The following RAD51B variants were observed in gnomAD, a reference collection of about 807,000 sequenced individuals.
The protein encoded by RAD51B is DNA repair protein RAD51 homolog 2.
In RAD51B, 38 loss-of-function variants were observed where a neutral mutation model predicts 42.2. The observed-to-expected ratio is 0.90, with a 90% CI of 0.70 to 1.18. RAD51B has a LOEUF of 1.18. RAD51B is among the 50% of genes most tolerant of loss of function. The pLI, the probability that RAD51B is intolerant of heterozygous loss-of-function variation, is 0.00. For synonymous variants in RAD51B, 154 were observed against 145.2 expected, an observed-to-expected ratio of 1.06 and a Z score of -0.43; for missense variants, 373 against 400.7, an observed-to-expected ratio of 0.93 and a Z score of 0.59.
At chr14:68,250,087 C>T (rs1221725962) in intron 7 of RAD51B, among the ~76,000 whole-genome samples, 1 of 152,192 alleles carries the variant, frequency 6.6e-6, no homozygotes, top group African/African-American at 2.4e-5. Flanking sequence ...AAATGTGTTG[C>T]ACAAAGTAAC....
chr14:68,526,835 G>A (rs1477467682), intron 10 of RAD51B, among the ~76,000 whole-genome samples: 2 of 152,184 alleles, frequency 1.3e-5, no homozygotes, highest in African/African-American at 4.8e-5. Context: ...AAAGGAGAGA[G>A]GAGAAAACTA....
At chr14:68,084,417 T>C (rs2076955624) in intron 7 of RAD51B, among the ~76,000 whole-genome samples, 2 of 152,184 alleles carry the variant, frequency 1.3e-5, no homozygotes, top group African/African-American at 4.8e-5. Context: ...GTTCTGTACA[T>C]TGTAGGATAT....
intron 7 of RAD51B, among the ~76,000 whole-genome samples, chr14:67,971,166 G>C (rs1466554410): frequency 1.3e-5 from 2 of 152,040 alleles, no homozygotes; most frequent in African/African-American, 2.4e-5. Flanking sequence ...TTCAGACCAG[G>C]CTCAGCTGAA....
chr14:67,944,551 T>C (rs1218820786), intron 7 of RAD51B, among the ~76,000 whole-genome samples: 1 of 152,154 alleles, frequency 6.6e-6, no homozygotes, highest in Non-Finnish European at 1.5e-5. Context: ...AAAATACAGG[T>C]TTACATTAAA....
At chr14:68,467,593 C>A (rs1566900879) in intron 9 of RAD51B, among the ~76,000 whole-genome samples, 1 of 152,238 alleles carries the variant, frequency 6.6e-6, no homozygotes, top group Non-Finnish European at 1.5e-5. Context: ...CTGGCACAAC[C>A]TATGTCATGC....
chr14:68,274,482 C>T (rs1429019122), intron 7 of RAD51B, among the ~76,000 whole-genome samples: 1 of 152,160 alleles, frequency 6.6e-6, no homozygotes, highest in Non-Finnish European at 1.5e-5. Context: ...TCATTAATAT[C>T]ATCCAATACC....
At chr14:67,902,486 C>T (rs1170746995) in intron 7 of RAD51B, among the ~76,000 whole-genome samples, 5 of 152,066 alleles carry the variant, frequency 3.3e-5, no homozygotes, top group African/African-American at 1.2e-4. Flanking sequence ...TCAATTTGTT[C>T]AGCTAAAATA....
At chr14:68,497,351 G>T in intron 10 of RAD51B, 7 of 1,230,764 alleles carry the variant, frequency 5.7e-6, no homozygotes, top group Non-Finnish European at 7.2e-6. Flanking sequence ...ACAGTAATCT[G>T]CATCATAAGC....
chr14:68,435,827 T>G (rs1456466735), intron 9 of RAD51B, among the ~76,000 whole-genome samples: 1 of 152,240 alleles, frequency 6.6e-6, no homozygotes, highest in Non-Finnish European at 1.5e-5. Flanking sequence ...TATCTTCTTT[T>G]GGGAACTGTC....
At chr14:68,426,386 A>G (rs1300951669) in intron 9 of RAD51B, among the ~76,000 whole-genome samples, 2 of 152,170 alleles carry the variant, frequency 1.3e-5, no homozygotes, top group South Asian at 2.1e-4. Context: ...AGTAAAGGCC[A>G]TTCTGATGAG....
At chr14:68,041,187 G>A (rs116415452) in intron 7 of RAD51B, among the ~76,000 whole-genome samples, 3,793 of 152,228 alleles carry the variant, frequency 0.025, 104 homozygotes, top group African/African-American at 0.066. Flanking sequence ...GTGAAGATGT[G>A]CAGGCATCCC....
intron 7 of RAD51B, among the ~76,000 whole-genome samples, chr14:68,216,370 G>A (rs2079815056): frequency 1.3e-5 from 2 of 152,206 alleles, no homozygotes; most frequent in African/African-American, 4.8e-5. Context: ...TGCTGTGCTT[G>A]TGTTTGCTTC....
At chr14:67,909,466 C>T (rs1241754727) in intron 7 of RAD51B, among the ~76,000 whole-genome samples, 2 of 152,236 alleles carry the variant, frequency 1.3e-5, no homozygotes, top group South Asian at 2.1e-4. Flanking sequence ...ATGAATCTTT[C>T]CTGTGACTTA....
At chr14:68,102,830 C>A (rs1033852945) in intron 7 of RAD51B, among the ~76,000 whole-genome samples, 6 of 152,088 alleles carry the variant, frequency 3.9e-5, no homozygotes, top group Non-Finnish European at 1.5e-5. Context: ...TCTTATGCTG[C>A]TAATAAAGAC....
At chr14:68,629,098 G>A (rs2140121381) in intron 10 of RAD51B, among the ~76,000 whole-genome samples, 1 of 152,274 alleles carries the variant, frequency 6.6e-6, no homozygotes, top group Admixed American at 6.5e-5. Context: ...CCCACACGAT[G>A]CCCAACTTCA....
chr14:68,105,306 A>C (rs2077358655), intron 7 of RAD51B, among the ~76,000 whole-genome samples: 1 of 151,978 alleles, frequency 6.6e-6, no homozygotes, highest in Non-Finnish European at 1.5e-5. Flanking sequence ...GCTCTCCAAC[A>C]TTGCTTGAAG....
intron 8 of RAD51B, among the ~76,000 whole-genome samples, chr14:68,383,676 C>G (rs185944494): frequency 3.3e-5 from 5 of 152,060 alleles, no homozygotes; most frequent in Admixed American, 3.3e-4. Flanking sequence ...TTTCTACTTG[C>G]AAGAATGCCA....
Position 67,835,198 on chromosome 14 carries a change from T to A in RAD51B, c.315+2T>A, listed in dbSNP as rs774860546. On this transcript the variant is annotated splice_donor_variant, in intron 4 of 10. Transcript: ENST00000471583. LOFTEE classifies it high-confidence loss of function. ...GTGGCTTGTGGATCCCTCACAGAGGTAAAGGAAAAATTTTTCGTACCTTCT... is the reference window on the plus strand; with the variant it reads ...GTGGCTTGTGGATCCCTCACAGAGGAAAAGGAAAAATTTTTCGTACCTTCT... The A allele has an allele frequency of 1.7e-5, 28 of 1,606,602 alleles. No homozygotes were observed. The highest frequency in any genetic ancestry group is 2.4e-5 in the Non-Finnish European group (28 of 1,174,110).
chr14:68,074,304 T>C (rs927229001), intron 7 of RAD51B, among the ~76,000 whole-genome samples: 3 of 152,208 alleles, frequency 2.0e-5, no homozygotes, highest in African/African-American at 7.2e-5. Context: ...TTTCTCAGCC[T>C]TGTCTATTCT....
Sources: gnomAD v4.1 joint callset for allele counts (sites outside exome capture counted in the v4.1 genomes callset) on GRCh38, gnomAD v4.1.1 for gene constraint, MANE v1.5 for transcripts, NCBI Gene and HGNC (gene_info 2026-07-23, HGNC 2026-07-21) for gene names.